Variants in ADCY2 observed in about 807,000 individuals in gnomAD.
ADCY2 encodes adenylate cyclase type 2.
Under a neutral mutation model 125.2 loss-of-function variants are expected in ADCY2, and 31 were observed. The ratio of observed to expected loss-of-function variants is 0.25; its 90% CI spans 0.19 to 0.33. The LOEUF (loss-of-function observed/expected upper bound fraction) is 0.33, where lower values mean the gene tolerates loss of function less well. ADCY2 is among the 10% of genes least tolerant of loss of function. ADCY2 has a pLI of 1.00. For synonymous variants in ADCY2, 512 were observed against 548.4 expected, an observed-to-expected ratio of 0.93 and a Z score of 0.93; for missense variants, 904 against 1,418.2, an observed-to-expected ratio of 0.64 and a Z score of 5.82.
chr5:7,643,970 T>C (rs897939894), intron 4 of ADCY2, among the ~76,000 whole-genome samples: 2 of 152,006 alleles, frequency 1.3e-5, no homozygotes, highest in African/African-American at 4.8e-5. Flanking sequence ...TTTAACAATA[T>C]AATTATTTTT....
chr5:7,492,386 A>C (rs1021907949), intron 2 of ADCY2, among the ~76,000 whole-genome samples: 1 of 152,228 alleles, frequency 6.6e-6, no homozygotes, highest in African/African-American at 2.4e-5. Context: ...GAATGTGATC[A>C]TATCCATGTT....
chr5:7,493,563 A>G (rs1743241947), intron 2 of ADCY2, among the ~76,000 whole-genome samples: 2 of 152,312 alleles, frequency 1.3e-5, no homozygotes, highest in South Asian at 4.1e-4. Flanking sequence ...GATGTCTACA[A>G]TGTGGGGTTA....
chr5:7,550,584 C>G (rs1277360700), intron 3 of ADCY2, among the ~76,000 whole-genome samples: 2 of 152,206 alleles, frequency 1.3e-5, no homozygotes, highest in East Asian at 3.9e-4. Context: ...TCCCTCTTGG[C>G]CATGAACTGT....
At chr5:7,616,055 T>C (rs1285026292) in intron 3 of ADCY2, among the ~76,000 whole-genome samples, 1 of 152,198 alleles carries the variant, frequency 6.6e-6, no homozygotes, top group East Asian at 1.9e-4. Flanking sequence ...AATACTTAAG[T>C]TGCTATGACC....
In ADCY2 at chr5:7,396,521, C is replaced by T. The variant is rs774086384; in HGVS notation, c.210+15C>T. 9.0e-5 allele frequency: 140 copies of T among 1,552,506 alleles called. 2 individuals are homozygous for T. In the South Asian group the frequency reaches 1.6e-3, roughly 17 times the overall value. On this transcript the variant is annotated intron_variant, in intron 1 of 24. Coordinates refer to ENST00000338316, the MANE Select transcript of ADCY2 (RefSeq NM_020546.3). This position sits in a 1 kb window ranked among gnomAD's most constrained non-coding sequence, Gnocchi z 5.7. The stretch of plus-strand genomic sequence containing the variant: ...CGCTCGGGCTGGTGAGTGGCCTCCC[C>T]GCGGGTCCAGCGCCGCGCCTTCCCC...
intron 3 of ADCY2, among the ~76,000 whole-genome samples, chr5:7,583,244 CATATT>C (rs1283665043): frequency 6.6e-6 from 1 of 151,830 alleles, no homozygotes; most frequent in African/African-American, 2.4e-5. Context: ...AAACCTCAAA[CATATT>C]AGGATGAAAA....
At position 7,671,784 on chromosome 5, in the gene ADCY2, CTT is replaced by C. The variant is rs111320562; in HGVS notation, c.721-18897_721-18896del. Among the ~76,000 whole-genome samples the C allele has an allele frequency of 3.3e-4, 48 of 146,516 alleles. 3 individuals are homozygous for C. The South Asian group carries it at 9.6e-3, about 29-fold the overall frequency. ...TTGTTTGCAGCTACACTCAAGTAGA[CTT>C]TTTTTTTTTGGCTTTATCTAAAAAT... is the stretch of plus-strand genomic sequence containing the variant. On this transcript the variant is annotated intron_variant, in intron 4 of 24. Transcript: ENST00000338316.
intron 9 of ADCY2, among the ~76,000 whole-genome samples, chr5:7,708,621 C>G (rs566158742): frequency 6.6e-6 from 1 of 152,194 alleles, no homozygotes; most frequent in Non-Finnish European, 1.5e-5. Context: ...CCATGAAAAC[C>G]AATATCATAA....
chr5:7,653,918 G>A (rs796363343), intron 4 of ADCY2: 7 of 311,088 alleles, frequency 2.3e-5, no homozygotes, highest in African/African-American at 1.3e-4. Context: ...CAGTTTGGGG[G>A]CAGATTAAGA....
chr5:7,453,127 G>C (rs1453991383), intron 2 of ADCY2, among the ~76,000 whole-genome samples: 3 of 151,942 alleles, frequency 2.0e-5, no homozygotes, highest in Non-Finnish European at 4.4e-5. Context: ...ATTTATTTTT[G>C]TTTTTGTTGC....
intron 2 of ADCY2, among the ~76,000 whole-genome samples, chr5:7,514,330 T>C (rs1744179766): frequency 6.6e-6 from 1 of 152,202 alleles, no homozygotes; most frequent in South Asian, 2.1e-4. Context: ...ACCTCAACTC[T>C]TCTCCATTTT....
At chr5:7,656,921 C>T (rs981102695) in intron 4 of ADCY2, among the ~76,000 whole-genome samples, 5 of 152,280 alleles carry the variant, frequency 3.3e-5, no homozygotes, top group East Asian at 1.9e-4. Flanking sequence ...GCTTCCGAAT[C>T]GGAAACTTTC....
At chr5:7,589,449 A>G (rs1225724118) in intron 3 of ADCY2, among the ~76,000 whole-genome samples, 1 of 140,370 alleles carries the variant, frequency 7.1e-6, no homozygotes, top group Non-Finnish European at 1.5e-5. Flanking sequence ...AGAAAGAAAG[A>G]AGGAAAGAAA....
intron 3 of ADCY2, among the ~76,000 whole-genome samples, chr5:7,563,672 G>A (rs1048051149): frequency 3.3e-5 from 5 of 152,178 alleles, no homozygotes; most frequent in Non-Finnish European, 7.4e-5. Flanking sequence ...GCACAAGGCA[G>A]AGGTATCGTA....
intron 18 of ADCY2, among the ~76,000 whole-genome samples, chr5:7,775,392 T>C (rs1743688058): frequency 1.3e-5 from 2 of 151,472 alleles, no homozygotes; most frequent in African/African-American, 2.4e-5. Context: ...CTTTTAGTTT[T>C]GATTGTTTGT....
chr5:7,571,856 T>C (rs1736075560), intron 3 of ADCY2, among the ~76,000 whole-genome samples: 1 of 152,204 alleles, frequency 6.6e-6, no homozygotes, highest in Admixed American at 6.6e-5. Flanking sequence ...GTTCTCATCA[T>C]GTAGCTCCTA....
intron 15 of ADCY2, among the ~76,000 whole-genome samples, chr5:7,752,702 G>A (rs1175112891): frequency 6.2e-5 from 9 of 146,008 alleles, no homozygotes; most frequent in Non-Finnish European, 6.0e-5. Context: ...AACAAGGGAA[G>A]AAAAAAAAAA....
rs552675558 is a variant in ADCY2 at position 7,565,592 on chromosome 5, T to C, written c.570+44693T>C. ...AAAAAACAAAGTCATGCTCACACAATTGTAGTTTGAGCTACAAATAAAATT... is the reference window on the plus strand; with the variant it reads ...AAAAAACAAAGTCATGCTCACACAACTGTAGTTTGAGCTACAAATAAAATT... On this transcript the variant is annotated intron_variant, in intron 3 of 24. Coordinates refer to ENST00000338316, the MANE Select transcript of ADCY2 (RefSeq NM_020546.3). 2.0e-5 allele frequency among the ~76,000 whole-genome samples: 3 copies of C among 152,302 alleles called. No homozygotes were observed. In the South Asian group the frequency reaches 6.2e-4, roughly 32 times the overall value.
intron 2 of ADCY2, among the ~76,000 whole-genome samples, chr5:7,455,813 T>C (rs180673360): frequency 0.018 from 2,708 of 147,276 alleles, 73 homozygotes; most frequent in African/African-American, 0.063. Context: ...TATTATAATA[T>C]ATTTAATTAT....
Sources: gnomAD v4.1 joint callset for allele counts (sites outside exome capture counted in the v4.1 genomes callset) on GRCh38, gnomAD v4.1.1 for gene constraint, Gnocchi (gnomAD v3.1) non-coding constraint, MANE v1.5 for transcripts, NCBI Gene and HGNC (gene_info 2026-07-23, HGNC 2026-07-21) for gene names.